Variants in TRPC4 observed in about 807,000 individuals in gnomAD.
The protein encoded by TRPC4 is short transient receptor potential channel 4.
A neutral mutation model predicts 99.4 loss-of-function variants in TRPC4; 49 were observed. The observed-to-expected ratio is 0.49, with a 90% CI of 0.39 to 0.63. The LOEUF (loss-of-function observed/expected upper bound fraction) is 0.63, where lower values mean the gene tolerates loss of function less well. Ranked by LOEUF, TRPC4 falls within the 20% of genes least tolerant of loss-of-function variation. The probability of loss-of-function intolerance (pLI) is 0.00; values close to 1 mark genes in which losing one functional copy is unlikely to be tolerated. For missense variants in TRPC4, 898 were observed against 1,152.9 expected, an observed-to-expected ratio of 0.78 and a Z score of 3.20; for synonymous variants, 454 against 425.9, an observed-to-expected ratio of 1.07 and a Z score of -0.81.
Position 37,655,183 on chromosome 13 carries a change from C to G in TRPC4, c.1789G>C (p.Gly597Arg). The G allele has an allele frequency of 6.2e-7, 1 of 1,607,544 alleles. No individual in the cohort carries two copies. Among genetic ancestry groups the G allele is most frequent in the Non-Finnish European group, 8.5e-7 (1 of 1,176,322 alleles). Residue 597 changes from glycine to arginine, a missense_variant, in exon 7 of 11, where the codon GGT becomes CGT. Physicochemically the swap from Gly to Arg is moderately radical, Grantham distance 125. Coordinates refer to ENST00000379705, the MANE Select transcript of TRPC4 (RefSeq NM_016179.4). ...TTGTATGTCCCAAACATGGTGGCAC[C>G]AACAAACTCAGTAAATTCATGCTGT... ...KAQHEFTEFV[G>R]ATMFGTYNVI... is the part of the protein sequence containing the mutation.
At chr13:37,704,953 T>C (rs558705646) in intron 3 of TRPC4, among the ~76,000 whole-genome samples, 1 of 152,102 alleles carries the variant, frequency 6.6e-6, no homozygotes, top group South Asian at 2.1e-4. Context: ...TAGGCATATA[T>C]CTATAAGAAG....
intron 5 of TRPC4, among the ~76,000 whole-genome samples, chr13:37,672,470 A>G (rs7321872): frequency 0.23 from 35,208 of 152,082 alleles, 4,560 homozygotes; most frequent in Admixed American, 0.31. Context: ...GTCTTAGTAC[A>G]TGTAACTTAA....
In TRPC4 at chr13:37,635,683, T is replaced by A. The variant is rs1282627403; in HGVS notation, c.*1220A>T. 6.6e-6 allele frequency among the ~76,000 whole-genome samples: 1 copy of A among 152,116 alleles called. No individual in the cohort carries two copies. The highest frequency in any genetic ancestry group is 2.4e-5 in the African/African-American group (1 of 41,438). On this transcript the variant is annotated 3_prime_UTR_variant, in exon 11 of 11. Transcript: ENST00000379705. ...AAATAGACACAAGCAATGTAAAATT[T>A]AAGCTTTAAGTTTCTAGTATCAATT... is the stretch of plus-strand genomic sequence containing the variant.
intron 3 of TRPC4, among the ~76,000 whole-genome samples, chr13:37,711,773 C>T (rs9548030): frequency 0.33 from 49,448 of 151,650 alleles, 8,824 homozygotes; most frequent in Middle Eastern, 0.44. Flanking sequence ...AGTGCTGTCC[C>T]CCAAAATAAA....
At position 37,730,187 on chromosome 13, in the gene TRPC4, G is replaced by A. The variant is rs115078011; in HGVS notation, c.897+15750C>T. ...GGATCTCTAAAAATGTAGCAGATTA[G>A]GCCTATTTTAAAAAACACATTAGTA... On this transcript the variant is annotated intron_variant, in intron 3 of 10. Transcript: ENST00000379705. Among the ~76,000 whole-genome samples the A allele has an allele frequency of 7.1e-3, 1,073 of 151,954 alleles. 14 individuals carry two copies. The highest frequency in any genetic ancestry group is 0.025 in the African/African-American group (1,019 of 41,482).
chr13:37,725,358 AG>A (rs1218192873), intron 3 of TRPC4, among the ~76,000 whole-genome samples: 4 of 152,144 alleles, frequency 2.6e-5, no homozygotes, highest in Non-Finnish European at 4.4e-5. Flanking sequence ...TTTGATGAAA[AG>A]CATGACTATA....
At chr13:37,777,311 A>C (rs1956732347) in intron 2 of TRPC4, among the ~76,000 whole-genome samples, 1 of 151,862 alleles carries the variant, frequency 6.6e-6, no homozygotes, top group Admixed American at 6.6e-5. Context: ...GAAAACTTAC[A>C]ATCATGGCAG....
At chr13:37,717,537 G>T (rs1566118263) in intron 3 of TRPC4, among the ~76,000 whole-genome samples, 5 of 152,080 alleles carry the variant, frequency 3.3e-5, no homozygotes, top group Admixed American at 2.0e-4. Context: ...TTAGTATGTT[G>T]AAGTCCTAAC....
chr13:37,832,049 A>G (rs1436578219), intron 1 of TRPC4, among the ~76,000 whole-genome samples: 1 of 152,222 alleles, frequency 6.6e-6, no homozygotes, highest in East Asian at 1.9e-4. Flanking sequence ...TGGTCTTACC[A>G]AAAAGAAATG....
chr13:37,772,484 T>A (rs1956581887), intron 2 of TRPC4, among the ~76,000 whole-genome samples: 1 of 151,752 alleles, frequency 6.6e-6, no homozygotes, highest in Non-Finnish European at 1.5e-5. Context: ...TATTCATGTG[T>A]GTCTGCATGT....
intron 3 of TRPC4, among the ~76,000 whole-genome samples, chr13:37,729,459 T>C (rs1955174183): frequency 6.6e-6 from 1 of 152,028 alleles, no homozygotes; most frequent in African/African-American, 2.4e-5. Flanking sequence ...AATTACTATA[T>C]GATTCAGAAG....
intron 1 of TRPC4, among the ~76,000 whole-genome samples, chr13:37,862,417 TATTTAAATTTAACACGG>T (rs1429820824): frequency 6.6e-6 from 1 of 151,608 alleles, no homozygotes; most frequent in African/African-American, 2.4e-5. Flanking sequence ...TCAATAATGC[TATTTAAATTTAACACGG>T]ATTTACAGTA....
chr13:37,703,307 A>G (rs565195280), intron 3 of TRPC4, among the ~76,000 whole-genome samples: 6 of 152,220 alleles, frequency 3.9e-5, no homozygotes, highest in African/African-American at 1.4e-4. Flanking sequence ...AACACTGTTT[A>G]CCCATCTATG....
chr13:37,683,831 G>A (rs1953348256), intron 4 of TRPC4, among the ~76,000 whole-genome samples: 1 of 152,180 alleles, frequency 6.6e-6, no homozygotes, highest in Admixed American at 6.5e-5. Flanking sequence ...TTCAAGCCAT[G>A]GGTCAGGCCT....
chr13:37,783,315 T>C lies in TRPC4; in HGVS notation c.19A>G (p.Lys7Glu). MAQFYY[K>E]RNVNAPYRDR... The stretch of plus-strand genomic sequence containing the variant: ...CTATAGGGAGCATTAACATTTCTTT[T>C]GTAATAGAACTGAGCCATGTTTCAT... Residue 7 changes from lysine (K) to glutamate (E), a missense_variant, in exon 2 of 11, where the codon AAA becomes GAA. Transcript: ENST00000379705. The C allele has an allele frequency of 6.3e-7, 1 of 1,585,782 alleles. No homozygotes were observed.
chr13:37,685,483 G>A (rs536177534), intron 4 of TRPC4, among the ~76,000 whole-genome samples: 5 of 152,142 alleles, frequency 3.3e-5, no homozygotes, highest in African/African-American at 9.6e-5. Context: ...TGTGAAGTTC[G>A]AACAAAAGAA....
Position 37,747,482 on chromosome 13 carries a change from T to G in TRPC4, c.379-1027A>C, listed in dbSNP as rs61955518. ...CATAGAGGCATTTATGAAAAGTTAA[T>G]GCTACATAAGGGCAGTTAAACAGGC... On this transcript the variant is annotated intron_variant, in intron 2 of 10. Transcript: ENST00000379705. Among the ~76,000 whole-genome samples, 766 of 152,180 alleles carry G rather than the reference T, an allele frequency of 5.0e-3. 5 individuals carry two copies. Among genetic ancestry groups the G allele is most frequent in the Admixed American group, 0.01 (153 of 15,276 alleles).
At chr13:37,761,578 C>G (rs971175101) in intron 2 of TRPC4, among the ~76,000 whole-genome samples, 1 of 151,894 alleles carries the variant, frequency 6.6e-6, no homozygotes, top group South Asian at 2.1e-4. Flanking sequence ...CATTAAGGAA[C>G]AAGAACTGAA....
At chr13:37,758,021 A>T (rs1161774179) in intron 2 of TRPC4, among the ~76,000 whole-genome samples, 1 of 151,890 alleles carries the variant, frequency 6.6e-6, no homozygotes, top group East Asian at 1.9e-4. Flanking sequence ...GGGCCTGTAT[A>T]TTTCAGTTAG....
Sources: gnomAD v4.1 joint callset for allele counts (sites outside exome capture counted in the v4.1 genomes callset) on GRCh38, gnomAD v4.1.1 for gene constraint, MANE v1.5 for transcripts, NCBI Gene and HGNC (gene_info 2026-07-23, HGNC 2026-07-21) for gene names.